The following TBCK variants were observed in gnomAD, a reference collection of about 807,000 sequenced individuals.
The protein encoded by TBCK is TBC1 domain containing kinase.
Under a neutral mutation model 113.4 loss-of-function variants are expected in TBCK, and 99 were observed. That is an observed-to-expected ratio of 0.87 (90% CI 0.74 to 1.03). TBCK has a LOEUF of 1.03. Ranked by LOEUF, TBCK falls within the 50% of genes least tolerant of loss-of-function variation. The pLI is 0.00. For missense variants in TBCK, 1,045 were observed against 1,061.3 expected (o/e 0.98, Z 0.21); for synonymous variants, 369 against 370.8 (o/e 1.00, Z 0.05).
chr4:106,118,192 A>T (rs977371878), intron 23 of TBCK, among the ~76,000 whole-genome samples: 2 of 152,130 alleles, frequency 1.3e-5, no homozygotes, highest in Non-Finnish European at 2.9e-5. Flanking sequence ...TAGAATATCC[A>T]ATTTAGAATT....
At chr4:106,258,168 GCATAGCATTTTAACACTCAAAGA>G (rs911299557) in intron 5 of TBCK, among the ~76,000 whole-genome samples, 5 of 151,898 alleles carry the variant, frequency 3.3e-5, no homozygotes, top group African/African-American at 1.2e-4. Flanking sequence ...CTCTTCTGTA[GCATAGCATTTTAACACTCAAAGA>G]CAATTACCAG....
intron 10 of TBCK, among the ~76,000 whole-genome samples, chr4:106,245,079 A>G (rs1760648724): frequency 6.6e-6 from 1 of 152,190 alleles, no homozygotes; most frequent in Admixed American, 6.5e-5. Flanking sequence ...ATTCATGAGC[A>G]GTGCCTCAGG....
chr4:106,180,733 A>G (rs1752258926), intron 22 of TBCK, among the ~76,000 whole-genome samples: 1 of 152,176 alleles, frequency 6.6e-6, no homozygotes, highest in Non-Finnish European at 1.5e-5. Context: ...ATGGCTGCAT[A>G]GTATTCCATG....
intron 24 of TBCK, among the ~76,000 whole-genome samples, chr4:106,106,178 C>G (rs1236577759): frequency 6.6e-6 from 1 of 152,048 alleles, no homozygotes; most frequent in Non-Finnish European, 1.5e-5. Context: ...ATTGGCATCC[C>G]TGAAAGAGAG....
chr4:106,138,578 G>A (rs929780729), intron 23 of TBCK, among the ~76,000 whole-genome samples: 2 of 141,122 alleles, frequency 1.4e-5, no homozygotes, highest in Admixed American at 7.0e-5. Flanking sequence ...TACAGTTTAA[G>A]TGGAAGAGGT....
Position 106,043,362 on chromosome 4 carries a change from T to G in TBCK, c.*3208A>C, listed in dbSNP as rs890434423. The stretch of plus-strand genomic sequence containing the variant: ...GAGATTTCAATTTATTTCTATACTA[T>G]CAGGTACCAGATAAGTTTGGCAGTT... On this transcript the variant is annotated 3_prime_UTR_variant, in exon 26 of 26. Coordinates refer to ENST00000394708, the MANE Select transcript of TBCK (RefSeq NM_001163435.3). The G allele has an allele frequency of 6.6e-6, 1 of 152,176 alleles. No homozygotes were observed. Among genetic ancestry groups the G allele is most frequent in the South Asian group, 2.1e-4 (1 of 4,826 alleles). The allele number at this position is 152,176 out of a possible 1,614,324, so 9.4% of individuals were successfully genotyped here.
intron 19 of TBCK, among the ~76,000 whole-genome samples, chr4:106,219,205 CT>C (rs1460898647): frequency 0.039 from 4,798 of 124,326 alleles, 240 homozygotes; most frequent in African/African-American, 0.14. Context: ...GAACATCACA[CT>C]CTGGGGCCTG....
At chr4:106,260,010 C>G (rs781532325) in intron 5 of TBCK, among the ~76,000 whole-genome samples, 3 of 151,826 alleles carry the variant, frequency 2.0e-5, no homozygotes, top group Non-Finnish European at 4.4e-5. Flanking sequence ...CAACTTGAAT[C>G]TTAATATATA....
chr4:106,207,090 C>T (rs1379617925), intron 20 of TBCK, among the ~76,000 whole-genome samples: 1 of 152,114 alleles, frequency 6.6e-6, no homozygotes, highest in Non-Finnish European at 1.5e-5. Flanking sequence ...AGCAGAAACA[C>T]ATATCAAGAC....
chr4:106,133,787 T>G (rs912015452), intron 23 of TBCK, among the ~76,000 whole-genome samples: 98 of 152,194 alleles, frequency 6.4e-4, no homozygotes, highest in Non-Finnish European at 1.3e-4. Context: ...GATGTGGGCC[T>G]TGGCCACTTG....
intron 20 of TBCK, among the ~76,000 whole-genome samples, chr4:106,202,388 T>C (rs1394783917): frequency 6.6e-6 from 1 of 151,992 alleles, no homozygotes; most frequent in East Asian, 1.9e-4. Context: ...AAATCATCAC[T>C]ATTATGCCAT....
chr4:106,068,504 T>C (rs1426817539), intron 25 of TBCK, among the ~76,000 whole-genome samples: 1 of 152,258 alleles, frequency 6.6e-6, no homozygotes, highest in Non-Finnish European at 1.5e-5. Flanking sequence ...CTGCATAATA[T>C]TTCATGGTGT....
At chr4:106,204,776 T>TTTTTTTTTTTTTTAA (rs1755266573) in intron 20 of TBCK, among the ~76,000 whole-genome samples, 1 of 135,560 alleles carries the variant, frequency 7.4e-6, no homozygotes, top group Non-Finnish European at 1.6e-5. Context: ...TTTTTTTTTT[T>TTTTTTTTTTTTTTAA]GAGACGGAGT....
intron 3 of TBCK, among the ~76,000 whole-genome samples, chr4:106,279,443 T>C (rs1764361471): frequency 6.6e-6 from 1 of 152,226 alleles, no homozygotes; most frequent in Non-Finnish European, 1.5e-5. Flanking sequence ...ATTTATCCTT[T>C]ATTGGTATTA....
At chr4:106,110,776 C>T (rs887136746) in intron 24 of TBCK, among the ~76,000 whole-genome samples, 1 of 152,114 alleles carries the variant, frequency 6.6e-6, no homozygotes, top group Admixed American at 6.5e-5. Flanking sequence ...GAACTGTCAC[C>T]TACCTTACTG....
intron 22 of TBCK, among the ~76,000 whole-genome samples, chr4:106,172,751 A>C (rs1185529506): frequency 3.3e-5 from 5 of 152,238 alleles, no homozygotes; most frequent in Non-Finnish European, 5.9e-5. Flanking sequence ...AGAGGGAAAA[A>C]GAAGGTAACA....
chr4:106,225,821 A>G (rs1758181650), intron 19 of TBCK, among the ~76,000 whole-genome samples: 1 of 152,120 alleles, frequency 6.6e-6, no homozygotes, highest in Non-Finnish European at 1.5e-5. Flanking sequence ...CTAATTTAAT[A>G]AATTAAACAA....
chr4:106,135,816 T>G lies in TBCK; in HGVS notation c.2236-19438A>C, dbSNP rs1230192322. 2.1e-5 allele frequency among the ~76,000 whole-genome samples: 3 copies of G among 141,816 alleles called. 1 individual carries two copies. The highest frequency in any genetic ancestry group is 4.8e-5 in the Non-Finnish European group (3 of 62,388). The allele number at this position is 141,816 out of a possible 152,430, so 93.0% of individuals were successfully genotyped here. A position where few individuals can be genotyped will look rare whatever the true frequency, so the allele number is the denominator to read the frequency against. ...ATGACAATGGAGAGACTAGTCTCACTGAATTGACCATCCATCCTGAGAATC... is the reference window on the plus strand; with the variant it reads ...ATGACAATGGAGAGACTAGTCTCACGGAATTGACCATCCATCCTGAGAATC... On this transcript the variant is annotated intron_variant, in intron 23 of 25. Coordinates refer to ENST00000394708, the MANE Select transcript of TBCK (RefSeq NM_001163435.3).
chr4:106,275,505 T>C (rs979928549), intron 3 of TBCK, among the ~76,000 whole-genome samples: 8 of 152,182 alleles, frequency 5.3e-5, no homozygotes, highest in East Asian at 1.9e-4. Flanking sequence ...AACAATGATA[T>C]GGTTGTTTAT....
Sources: gnomAD v4.1 joint callset for allele counts (sites outside exome capture counted in the v4.1 genomes callset) on GRCh38, gnomAD v4.1.1 for gene constraint, MANE v1.5 for transcripts, NCBI Gene and HGNC (gene_info 2026-07-23, HGNC 2026-07-21) for gene names.